Variants in CUL2 observed in about 807,000 individuals in gnomAD.
CUL2 encodes the protein cullin 2, also known as cullin-2.
CUL2 carries 22 observed loss-of-function variants against 110.2 expected under a neutral mutation model. That is an observed-to-expected ratio of 0.20 (90% CI 0.14 to 0.28). CUL2 has a LOEUF of 0.28. CUL2 is among the 10% of genes least tolerant of loss of function. The probability of loss-of-function intolerance (pLI) is 1.00; values close to 1 mark genes in which losing one functional copy is unlikely to be tolerated. For synonymous variants in CUL2, 279 were observed against 293.2 expected (o/e 0.95, Z 0.49); for missense variants, 631 against 905.5 (o/e 0.70, Z 3.89).
At chr10:35,086,991 GAA>G (rs2087081441) in intron 1 of CUL2, among the ~76,000 whole-genome samples, 1 of 152,190 alleles carries the variant, frequency 6.6e-6, no homozygotes, top group Admixed American at 6.5e-5. Flanking sequence ...TGGCTCCAAG[GAA>G]AGCTGGATGA....
At position 35,028,879 on chromosome 10, in the gene CUL2, C is replaced by A. The variant is rs772300559; in HGVS notation, c.1548G>T (p.Ala516=). The change falls in exon 16 of 21, where the codon GCG becomes GCT. Residue 516 remains alanine (A), a synonymous_variant. Transcript: ENST00000374749. ...SFQIYVLQAG[A]WPLTQAPSST... ...ATGAAGGAGCCTGAGTAAGAGGCCA[C>A]GCACCAGCCTAGAAGGAAAAAAATA... 6.2e-7 allele frequency: 1 copy of A among 1,605,486 alleles called. No individual in the cohort carries two copies. The highest frequency in any genetic ancestry group is 1.1e-5 in the South Asian group (1 of 90,130).
At chr10:35,048,627 TAAAGA>T (rs2086012312) in intron 6 of CUL2, among the ~76,000 whole-genome samples, 1 of 152,180 alleles carries the variant, frequency 6.6e-6, no homozygotes, top group Admixed American at 6.5e-5. Flanking sequence ...CACAGTTTTG[TAAAGA>T]AAAGAGGAAG....
At chr10:35,061,935 C>G (rs1247991893) in intron 3 of CUL2, among the ~76,000 whole-genome samples, 1 of 152,048 alleles carries the variant, frequency 6.6e-6, no homozygotes, top group African/African-American at 2.4e-5. Context: ...AAAGTATCTA[C>G]TCCTGACCAC....
intron 1 of CUL2, among the ~76,000 whole-genome samples, chr10:35,089,470 G>T (rs1017978967): frequency 1.3e-5 from 2 of 152,140 alleles, no homozygotes; most frequent in Non-Finnish European, 2.9e-5. Context: ...AATCTATAGC[G>T]AACGTTAATA....
intron 9 of CUL2, among the ~76,000 whole-genome samples, chr10:35,036,178 T>C (rs1038114228): frequency 4.1e-4 from 63 of 152,208 alleles, no homozygotes; most frequent in Non-Finnish European, 1.6e-4. Context: ...CAGATGAGTT[T>C]GAACTACGTA....
intron 1 of CUL2, among the ~76,000 whole-genome samples, chr10:35,074,940 C>G (rs1433838419): frequency 6.6e-6 from 1 of 152,204 alleles, no homozygotes; most frequent in East Asian, 1.9e-4. Flanking sequence ...GGGGACAATT[C>G]TGTAACTGCG....
chr10:35,112,210 C>A (rs532243863), intron 1 of CUL2, among the ~76,000 whole-genome samples: 3 of 152,220 alleles, frequency 2.0e-5, no homozygotes, highest in African/African-American at 7.2e-5. Context: ...ATTTGTTGAA[C>A]TCTCGTCTGC....
chr10:35,112,309 A>G (rs1270816736), intron 1 of CUL2, among the ~76,000 whole-genome samples: 1 of 152,208 alleles, frequency 6.6e-6, no homozygotes, highest in African/African-American at 2.4e-5. Context: ...AGAGTACATA[A>G]AACAATGGTT....
upstream of CUL2, among the ~76,000 whole-genome samples, chr10:35,094,382 C>T (rs1007098904): frequency 6.6e-5 from 10 of 152,056 alleles, no homozygotes; most frequent in East Asian, 1.9e-4. Flanking sequence ...ATTACAAGCA[C>T]GTGCCACCAC....
chr10:35,067,636 C>A (rs1348713581), intron 2 of CUL2, among the ~76,000 whole-genome samples: 1 of 151,400 alleles, frequency 6.6e-6, no homozygotes, highest in Admixed American at 6.6e-5. Context: ...CCCAGCTACA[C>A]GGGAGGATGA....
Position 35,031,352 on chromosome 10 carries a change from T to C in CUL2, c.1334A>G (p.His445Arg), listed in dbSNP as rs1025395458. ...YARMLAKRLI[H>R]GLSMSMDSEE... ...AGAGTCCATAGACATGGATAACCCA[T>C]GAATTAAACGTTTTGCCAGCATTCT... Residue 445 changes from histidine (H) to arginine (R), a missense_variant, in exon 14 of 21, where the codon CAT (histidine) becomes CGT (arginine). His to Arg is a conservative substitution (Grantham distance 29, BLOSUM62 0). This residue lies in a region of CUL2 where 134 missense variants were observed against 260.4 expected (regional missense o/e 0.51). Transcript: ENST00000374749. This position sits in a 1 kb window ranked among gnomAD's most constrained non-coding sequence, Gnocchi z 4.4. The C allele has an allele frequency of 6.2e-7, 1 of 1,609,780 alleles. No homozygotes were observed. The highest frequency in any genetic ancestry group is 8.5e-7 in the Non-Finnish European group (1 of 1,178,262).
intron 8 of CUL2, among the ~76,000 whole-genome samples, chr10:35,043,817 A>T (rs1005721472): frequency 6.6e-5 from 10 of 152,140 alleles, no homozygotes; most frequent in African/African-American, 1.9e-4. Flanking sequence ...CTAAAATCCC[A>T]GCGCTTTGGG....
chr10:35,078,165 G>C (rs1160786675), intron 1 of CUL2, among the ~76,000 whole-genome samples: 1 of 152,128 alleles, frequency 6.6e-6, no homozygotes, highest in African/African-American at 2.4e-5. Context: ...TTGTAGGAGA[G>C]CTCACAAAAC....
chr10:35,106,808 G>A (rs768812393), intron 1 of CUL2, among the ~76,000 whole-genome samples: 2 of 152,040 alleles, frequency 1.3e-5, no homozygotes, highest in Admixed American at 1.3e-4. Context: ...AGGATTACAG[G>A]TGATGACTTT....
chr10:35,017,747 G>C (rs1219951823), intron 17 of CUL2, among the ~76,000 whole-genome samples: 1 of 151,220 alleles, frequency 6.6e-6, no homozygotes, highest in Non-Finnish European at 1.5e-5. Context: ...CTAAGAGATA[G>C]AGCAAGTATT....
At chr10:35,013,266 A>G (rs2084948103) in intron 19 of CUL2, among the ~76,000 whole-genome samples, 1 of 150,302 alleles carries the variant, frequency 6.7e-6, no homozygotes, top group Admixed American at 6.7e-5. Flanking sequence ...AATGGCGTGA[A>G]CCCGGGAGGC....
At chr10:35,089,211 C>T (rs746293731) in intron 1 of CUL2, among the ~76,000 whole-genome samples, 1 of 152,120 alleles carries the variant, frequency 6.6e-6, no homozygotes, top group Non-Finnish European at 1.5e-5. Context: ...TTATCTCACG[C>T]GACTCTTTTG....
intron 17 of CUL2, among the ~76,000 whole-genome samples, chr10:35,018,750 C>T (rs551168252): frequency 2.5e-3 from 245 of 98,894 alleles, no homozygotes; most frequent in African/African-American, 9.6e-3. Flanking sequence ...GTAACAAGAG[C>T]GAAACTCCGT....
In CUL2 at chr10:35,068,265, T is replaced by C. The variant is rs1368771861; in HGVS notation, c.119+2934A>G. ...GGCAAAACCCCATTTCTACCAAAAA[T>C]ACAAAAATTAGCCAGGCATGGTGGC... On this transcript the variant is annotated intron_variant, in intron 2 of 20. Transcript: ENST00000374749. Among the ~76,000 whole-genome samples, 7 of 148,716 alleles carry C rather than the reference T, an allele frequency of 4.7e-5. 1 individual carries two copies. The highest frequency in any genetic ancestry group is 1.7e-4 in the African/African-American group (7 of 40,266).
Sources: gnomAD v4.1 joint callset for allele counts (sites outside exome capture counted in the v4.1 genomes callset) on GRCh38, gnomAD v4.1.1 for gene constraint, gnomAD v4.1.1 regional missense constraint, Gnocchi (gnomAD v3.1) non-coding constraint, MANE v1.5 for transcripts, NCBI Gene and HGNC (gene_info 2026-07-23, HGNC 2026-07-21) for gene names.